Variants in THAP4 observed in about 807,000 individuals in gnomAD.
The protein encoded by THAP4 is THAP domain containing 4.
In THAP4, 18 loss-of-function variants were observed where a neutral mutation model predicts 48.1. The ratio of observed to expected loss-of-function variants is 0.37; its 90% CI spans 0.26 to 0.56. THAP4 has a LOEUF of 0.56. THAP4 is among the 20% of genes least tolerant of loss of function. The pLI is 0.78. For synonymous variants in THAP4, 345 were observed against 324.9 expected (o/e 1.06, Z -0.66); for missense variants, 656 against 774.9 (o/e 0.85, Z 1.82).
intron 2 of THAP4, among the ~76,000 whole-genome samples, chr2:241,607,451 G>T (rs190837087): frequency 6.6e-6 from 1 of 151,886 alleles, no homozygotes; most frequent in Non-Finnish European, 1.5e-5. Context: ...ACCCATCAGG[G>T]GCGCTGGAAG....
rs1010196832 is a variant in THAP4 at position 241,637,135 on chromosome 2, G to T, written c.-118C>A. ...CGGCTCGGGACGTGGGCCGGCCCGC[G>T]GCGTCCGCGCCGTACGGCAAGATGG... On this transcript the variant is annotated 5_prime_UTR_variant, in exon 1 of 6. Transcript: ENST00000407315. The T allele has an allele frequency of 3.8e-5, 38 of 994,304 alleles. No homozygotes were observed. The highest frequency in any genetic ancestry group is 1.8e-4 in the Admixed American group (3 of 16,282). The allele number at this position is 994,304 out of a possible 1,614,324, so 61.6% of individuals were successfully genotyped here.
At chr2:241,603,507 C>A (rs2067144425) in intron 3 of THAP4, among the ~76,000 whole-genome samples, 1 of 150,624 alleles carries the variant, frequency 6.6e-6, no homozygotes, top group African/African-American at 2.4e-5. Flanking sequence ...CACCTGCCCG[C>A]CCCCTCCACC....
At position 241,610,631 on chromosome 2, in the gene THAP4, T is replaced by C. The variant is rs987965467; in HGVS notation, c.1241-4158A>G. On this transcript the variant is annotated intron_variant, in intron 2 of 5. Transcript: ENST00000407315. This position sits in a 1 kb window ranked among gnomAD's most constrained non-coding sequence, Gnocchi z 4.2. Reference sequence around the variant, plus strand: ...CACGGGGTCTTCTCCCGGCCCCTCATCTACTTGGCAGACGCCTCTCACCGG... The same window carrying C: ...CACGGGGTCTTCTCCCGGCCCCTCACCTACTTGGCAGACGCCTCTCACCGG... Among the ~76,000 whole-genome samples, 4 of 151,062 alleles carry C rather than the reference T, an allele frequency of 2.6e-5. No homozygotes were observed. The highest frequency in any genetic ancestry group is 4.4e-5 in the Non-Finnish European group (3 of 67,770).
At chr2:241,618,298 T>C (rs1189960497) in intron 2 of THAP4, among the ~76,000 whole-genome samples, 2 of 152,240 alleles carry the variant, frequency 1.3e-5, no homozygotes, top group South Asian at 2.1e-4. Flanking sequence ...CAAGTATTTC[T>C]ATAAAATATA....
chr2:241,606,261 A>G, intron 3 of THAP4, 53 bp downstream of exon 3: 2 of 1,459,422 alleles, frequency 1.4e-6, no homozygotes, highest in Non-Finnish European at 1.8e-6. Context: ...TTATTTTCAG[A>G]GACCTAGGCG....
At position 241,637,080 on chromosome 2, in the gene THAP4, C is replaced by A; in HGVS notation, c.-63G>T. 1 of 1,068,174 alleles carries A rather than the reference C, an allele frequency of 9.4e-7. No homozygotes were observed. Among genetic ancestry groups the A allele is most frequent in the Non-Finnish European group, 1.1e-6 (1 of 883,782 alleles). 66.2% of individuals were successfully genotyped at this position (1,068,174 alleles called of 1,614,324 possible). ...CCTAGCCGCCCGCCCGCCCGCGGAC[C>A]GCCCCGAGGGAGGGAGCGCGGCGGC... On this transcript the variant is annotated 5_prime_UTR_variant, in exon 1 of 6. Coordinates refer to ENST00000407315, the MANE Select transcript of THAP4 (RefSeq NM_015963.6).
Position 241,614,040 on chromosome 2 carries a change from G to A in THAP4, c.1241-7567C>T, listed in dbSNP as rs111567272. Among the ~76,000 whole-genome samples the A allele has an allele frequency of 2.3e-4, 35 of 151,972 alleles. 1 individual carries two copies. The highest frequency in any genetic ancestry group is 7.7e-4 in the African/African-American group (32 of 41,438). ...ATGGTGGTGCGTGTCTGTAGCCCCCGCTACTTGGGAGGGTAGGTGGGGAGA... is the reference window on the plus strand; with the variant it reads ...ATGGTGGTGCGTGTCTGTAGCCCCCACTACTTGGGAGGGTAGGTGGGGAGA... On this transcript the variant is annotated intron_variant, in intron 2 of 5. Coordinates refer to ENST00000407315, the MANE Select transcript of THAP4 (RefSeq NM_015963.6).
At chr2:241,597,747 C>T (rs1053032651) in intron 5 of THAP4, among the ~76,000 whole-genome samples, 1 of 152,090 alleles carries the variant, frequency 6.6e-6, no homozygotes, top group African/African-American at 2.4e-5. Context: ...ATGGGGAGGC[C>T]CAGCCCCTCA....
chr2:241,605,927 T>A (rs2067177811), intron 3 of THAP4, among the ~76,000 whole-genome samples: 1 of 152,160 alleles, frequency 6.6e-6, no homozygotes, highest in Non-Finnish European at 1.5e-5. Context: ...TTGCCCAGGC[T>A]GGTCTTCAAT....
intron 2 of THAP4, among the ~76,000 whole-genome samples, chr2:241,625,196 C>T (rs146424418): frequency 2.1e-3 from 316 of 152,084 alleles, no homozygotes; most frequent in African/African-American, 7.4e-3. Context: ...AACTACAGGC[C>T]GGGTGTGGTG....
intron 5 of THAP4, among the ~76,000 whole-genome samples, chr2:241,596,469 T>C (rs2067048003): frequency 6.8e-6 from 1 of 146,340 alleles, no homozygotes; most frequent in Admixed American, 7.0e-5. Flanking sequence ...ATCATGCCAC[T>C]GCATGCCAGC....
chr2:241,607,418 A>G (rs929179516), intron 2 of THAP4, among the ~76,000 whole-genome samples: 1 of 151,890 alleles, frequency 6.6e-6, no homozygotes, highest in East Asian at 1.9e-4. Flanking sequence ...TGCGGGGACC[A>G]CAGGAAAGCC....
In THAP4 at chr2:241,601,197, G is replaced by A. The variant is rs1412971742; in HGVS notation, c.1614+699C>T. 6.6e-6 allele frequency among the ~76,000 whole-genome samples: 1 copy of A among 152,218 alleles called. No individual in the cohort carries two copies. Among genetic ancestry groups the A allele is most frequent in the Non-Finnish European group, 1.5e-5 (1 of 68,038 alleles). On this transcript the variant is annotated intron_variant, in intron 5 of 5. Coordinates refer to ENST00000407315, the MANE Select transcript of THAP4 (RefSeq NM_015963.6). This position sits in a 1 kb window ranked among gnomAD's most constrained non-coding sequence, Gnocchi z 4.0. ...GGAGGCCGAGGCAGGAGAATCGCTT[G>A]AACCTGAGAGGCGGTGGTTGCGATG...
intron 2 of THAP4, among the ~76,000 whole-genome samples, chr2:241,627,937 C>A (rs1224916485): frequency 6.6e-6 from 1 of 152,132 alleles, no homozygotes; most frequent in Non-Finnish European, 1.5e-5. Flanking sequence ...CACTGACACA[C>A]TCTCTTTGGA....
At chr2:241,606,712 C>T (rs894911637) in intron 2 of THAP4, among the ~76,000 whole-genome samples, 3 of 152,132 alleles carry the variant, frequency 2.0e-5, no homozygotes, top group African/African-American at 4.8e-5. Flanking sequence ...CCAGGCAGGG[C>T]GCAAGCAAAG....
Position 241,601,893 on chromosome 2 carries a change from C to T in THAP4, c.1614+3G>A, listed in dbSNP as rs752206771. 1.2e-6 allele frequency: 2 copies of T among 1,613,976 alleles called. No homozygotes were observed. Among genetic ancestry groups the T allele is most frequent in the Non-Finnish European group, 1.7e-6 (2 of 1,180,024 alleles). On this transcript the variant is annotated splice_donor_region_variant and intron_variant, in intron 5 of 5. Coordinates refer to ENST00000407315, the MANE Select transcript of THAP4 (RefSeq NM_015963.6). The surrounding 1 kb of genome is among the most constrained non-coding windows in gnomAD (Gnocchi z 4.0). ...AGCGTGCTGGGAGCAGGGCTGGGCTCACCTGCTCTACGTGGGGCTCCTTGG... is the reference window on the plus strand; with the variant it reads ...AGCGTGCTGGGAGCAGGGCTGGGCTTACCTGCTCTACGTGGGGCTCCTTGG...
chr2:241,611,499 G>A (rs1189139338), intron 2 of THAP4, among the ~76,000 whole-genome samples: 2 of 150,250 alleles, frequency 1.3e-5, no homozygotes, highest in African/African-American at 5.1e-5. Context: ...AAGGCGGGTG[G>A]ATCATCTGAG....
At chr2:241,626,481 A>C (rs868103243) in intron 2 of THAP4, among the ~76,000 whole-genome samples, 7 of 151,984 alleles carry the variant, frequency 4.6e-5, no homozygotes, top group Non-Finnish European at 8.8e-5. Context: ...AAAAACAAAA[A>C]CCAAAAAACA....
intron 2 of THAP4, among the ~76,000 whole-genome samples, chr2:241,611,426 G>A (rs1272841983): frequency 1.3e-5 from 2 of 152,242 alleles, no homozygotes; most frequent in Non-Finnish European, 2.9e-5. Flanking sequence ...CACTCCGAAA[G>A]AAAGGGGTGC....
Sources: allele counts gnomAD v4.1 joint callset (sites outside exome capture counted in the v4.1 genomes callset), GRCh38; gene constraint gnomAD v4.1.1; non-coding constraint Gnocchi (gnomAD v3.1); transcripts MANE v1.5; gene names NCBI Gene and HGNC (gene_info 2026-07-23, HGNC 2026-07-21).